The following CAMTA1 variants were observed in gnomAD, a reference collection of about 807,000 sequenced individuals.
The protein encoded by CAMTA1 is calmodulin binding transcription activator 1.
Under a neutral mutation model 170.9 loss-of-function variants are expected in CAMTA1, and 27 were observed. That is an observed-to-expected ratio of 0.16 (90% confidence interval 0.12 to 0.22). The LOEUF is 0.22. Ranked by LOEUF, CAMTA1 falls within the 10% of genes least tolerant of loss-of-function variation. The pLI is 1.00. For missense variants in CAMTA1, 1,619 were observed against 2,217.2 expected (o/e 0.73, Z 5.42); for synonymous variants, 833 against 891.5 (o/e 0.93, Z 1.17).
chr1:7,660,924 G>T (rs894912521), intron 7 of CAMTA1, among the ~76,000 whole-genome samples: 3 of 152,248 alleles, frequency 2.0e-5, no homozygotes, highest in African/African-American at 7.2e-5. Flanking sequence ...GGCCGGGTCT[G>T]CTCCAGCTGA....
chr1:7,240,030 G>A (rs1439720460), intron 4 of CAMTA1, among the ~76,000 whole-genome samples: 1 of 152,106 alleles, frequency 6.6e-6, no homozygotes, highest in Non-Finnish European at 1.5e-5. Flanking sequence ...TGTTGTAGTG[G>A]GGATTAAGTT....
At chr1:7,372,815 A>G (rs1218895509) in intron 5 of CAMTA1, among the ~76,000 whole-genome samples, 2 of 152,216 alleles carry the variant, frequency 1.3e-5, no homozygotes, top group Admixed American at 6.5e-5. Flanking sequence ...CAATAGGACC[A>G]GGATCTGAAC....
At chr1:7,481,294 T>G (rs1032738915) in intron 6 of CAMTA1, among the ~76,000 whole-genome samples, 3 of 152,224 alleles carry the variant, frequency 2.0e-5, no homozygotes, top group Non-Finnish European at 2.9e-5. Flanking sequence ...CCGTGACCTC[T>G]GAAGACCTGT....
intron 6 of CAMTA1, among the ~76,000 whole-genome samples, chr1:7,611,968 G>T (rs1382427835): frequency 2.0e-5 from 3 of 152,256 alleles, no homozygotes; most frequent in Non-Finnish European, 2.9e-5. Flanking sequence ...CTGGGAGGGG[G>T]TGCACAGAGA....
chr1:6,959,991 A>G lies in CAMTA1; in HGVS notation c.235-131313A>G, dbSNP rs193235142. Among the ~76,000 whole-genome samples the G allele has an allele frequency of 3.1e-3, 476 of 152,268 alleles. 1 individual carries two copies. The highest frequency in any genetic ancestry group is 0.011 in the African/African-American group (448 of 41,554). On this transcript the variant is annotated intron_variant, in intron 3 of 22. Coordinates refer to ENST00000303635, the MANE Select transcript of CAMTA1 (RefSeq NM_015215.4). ...CGTGCCTGTTCATCATTGTATCCCC[A>G]TAGCAACCCTGTGATTCCATTTTAC...
chr1:7,624,508 C>A (rs1426331581), intron 6 of CAMTA1, among the ~76,000 whole-genome samples: 5 of 152,216 alleles, frequency 3.3e-5, no homozygotes, highest in Non-Finnish European at 7.3e-5. Flanking sequence ...CAGAAAGGCC[C>A]TTGCCATGTC....
chr1:6,800,012 A>T (rs765294623), intron 1 of CAMTA1, among the ~76,000 whole-genome samples: 3 of 152,110 alleles, frequency 2.0e-5, no homozygotes, highest in Admixed American at 2.0e-4. Context: ...CTCAAGCTGT[A>T]TGGGGGGATT....
chr1:7,635,535 G>A lies in CAMTA1; in HGVS notation c.511-4865G>A, dbSNP rs1168281253. Reference sequence around the variant, plus strand: ...GAGGCAGGAGAATGGCGTGAACCCGGGAGGCGGAGGTTGCAGTGAGCCGAG... The same window carrying A: ...GAGGCAGGAGAATGGCGTGAACCCGAGAGGCGGAGGTTGCAGTGAGCCGAG... On this transcript the variant is annotated intron_variant, in intron 6 of 22. Transcript: ENST00000303635. The surrounding 1 kb of genome is among the most constrained non-coding windows in gnomAD (Gnocchi z 4.4). Among the ~76,000 whole-genome samples the A allele has an allele frequency of 6.6e-6, 1 of 151,940 alleles. No homozygotes were observed. Among genetic ancestry groups the A allele is most frequent in the African/African-American group, 2.4e-5 (1 of 41,328 alleles).
chr1:7,479,134 C>A lies in CAMTA1; in HGVS notation c.510+11233C>A, dbSNP rs79942344. ...TGTGGGCGTGTCAGAGACTCTAGCT[C>A]AACAAGGAAGTCCCATGACATGGTG... On this transcript the variant is annotated intron_variant, in intron 6 of 22. Coordinates refer to ENST00000303635, the MANE Select transcript of CAMTA1 (RefSeq NM_015215.4). Among the ~76,000 whole-genome samples the A allele has an allele frequency of 4.2e-3, 639 of 152,260 alleles. 3 individuals are homozygous for A. The highest frequency in any genetic ancestry group is 0.015 in the African/African-American group (616 of 41,550).
intron 3 of CAMTA1, among the ~76,000 whole-genome samples, chr1:6,926,605 TCTCA>T (rs1417503168): frequency 1.5e-5 from 2 of 136,060 alleles, no homozygotes; most frequent in Non-Finnish European, 1.6e-5. Flanking sequence ...TTCCTCTCTC[TCTCA>T]TTCTTTCTTT....
chr1:6,798,620 C>T lies in CAMTA1; in HGVS notation c.45+13045C>T, dbSNP rs1417713193. ...TTTTTTTTTTTTTGAGACGGAGTCT[C>T]GCTCTGTCGCCCAGGCCGGACTGCG... On this transcript the variant is annotated intron_variant, in intron 1 of 22. Coordinates refer to ENST00000303635, the MANE Select transcript of CAMTA1 (RefSeq NM_015215.4). Among the ~76,000 whole-genome samples the T allele has an allele frequency of 1.1e-4, 13 of 120,582 alleles. 2 individuals are homozygous for T. The East Asian group carries it at 2.7e-3, about 25-fold the overall frequency. 79.1% of individuals were successfully genotyped at this position (120,582 alleles called of 152,430 possible). A position where few individuals can be genotyped will look rare whatever the true frequency, so the allele number is the denominator to read the frequency against.
chr1:7,154,181 G>A (rs925559463), intron 4 of CAMTA1, among the ~76,000 whole-genome samples: 5 of 152,096 alleles, frequency 3.3e-5, no homozygotes, highest in Admixed American at 1.3e-4. Context: ...GGAGATGCTG[G>A]GATCCACCCA....
At chr1:7,638,000 G>A (rs2095728008) in intron 6 of CAMTA1, among the ~76,000 whole-genome samples, 1 of 152,164 alleles carries the variant, frequency 6.6e-6, no homozygotes, top group African/African-American at 2.4e-5. Flanking sequence ...CTGAGCGTTG[G>A]CAGGAAAAAA....
intron 5 of CAMTA1, among the ~76,000 whole-genome samples, chr1:7,452,239 C>T (rs1334661898): frequency 6.6e-6 from 1 of 152,214 alleles, no homozygotes; most frequent in African/African-American, 2.4e-5. Flanking sequence ...CCCCTGGTTC[C>T]TCTCCAGGCC....
intron 7 of CAMTA1, among the ~76,000 whole-genome samples, chr1:7,651,184 C>G (rs1318866333): frequency 6.6e-6 from 1 of 152,166 alleles, no homozygotes; most frequent in Non-Finnish European, 1.5e-5. Context: ...AGTTAAATGG[C>G]CACCCTCTTT....
chr1:6,831,302 A>G (rs1650048297), intron 3 of CAMTA1, among the ~76,000 whole-genome samples: 1 of 152,218 alleles, frequency 6.6e-6, no homozygotes, highest in Non-Finnish European at 1.5e-5. Flanking sequence ...CTCTTGTTTC[A>G]TAATCAGTTT....
At chr1:7,180,403 A>T (rs1651869584) in intron 4 of CAMTA1, among the ~76,000 whole-genome samples, 1 of 152,116 alleles carries the variant, frequency 6.6e-6, no homozygotes. Context: ...TCTATTAAAA[A>T]TATGAAAACA....
At chr1:6,992,571 A>G (rs1016122500) in intron 3 of CAMTA1, among the ~76,000 whole-genome samples, 1 of 152,210 alleles carries the variant, frequency 6.6e-6, no homozygotes, top group Non-Finnish European at 1.5e-5. Context: ...TCAAGAAAAG[A>G]GGTTTAATTG....
intron 6 of CAMTA1, among the ~76,000 whole-genome samples, chr1:7,479,901 A>G (rs1369778925): frequency 2.7e-5 from 4 of 150,284 alleles, no homozygotes; most frequent in Non-Finnish European, 4.4e-5. Context: ...TAGAAGATAT[A>G]TGTGTGTGTG....
Sources: allele counts gnomAD v4.1 joint callset (sites outside exome capture counted in the v4.1 genomes callset), GRCh38; gene constraint gnomAD v4.1.1; non-coding constraint Gnocchi (gnomAD v3.1); transcripts MANE v1.5; gene names NCBI Gene and HGNC (gene_info 2026-07-23, HGNC 2026-07-21).